The following RYR3 variants were observed in gnomAD, a reference collection of about 807,000 sequenced individuals.
RYR3 encodes brain ryanodine receptor-calcium release channel.
Under a neutral mutation model 584.3 loss-of-function variants are expected in RYR3, and 207 were observed. The ratio of observed to expected loss-of-function variants is 0.35; its 90% CI spans 0.32 to 0.40. The LOEUF is 0.40. RYR3 is among the 10% of genes least tolerant of loss of function. The pLI is 1.00. For missense variants in RYR3, 5,616 were observed against 6,089.2 expected (o/e 0.92, Z 2.59); for synonymous variants, 2,416 against 2,248.5 (o/e 1.07, Z -2.11).
Position 33,838,886 on chromosome 15 carries a change from C to A in RYR3, c.12906C>A (p.Asp4302Glu), listed in dbSNP as rs866590814. The part of the protein sequence containing the change: ...LKHGPEVGLG[D>E]LSEIIGKDEP... ...ATGGGCCTGAAGTGGGTTTGGGTGA[C>A]CTCTCAGAAATTATTGGCAAGGATG... Residue 4302 changes from aspartate to glutamate, a missense_variant, in exon 89 of 104, where the codon GAC becomes GAA. Around this residue, in one of 9 missense-constraint regions of RYR3, gnomAD observed 918 missense variants for 887.4 expected, o/e 1.03. Transcript: ENST00000634891. The A allele has an allele frequency of 6.2e-7, 1 of 1,613,944 alleles. No individual in the cohort carries two copies. The highest frequency in any genetic ancestry group is 1.1e-5 in the South Asian group (1 of 91,072).
At chr15:33,358,989 G>A (rs1319161784) in intron 1 of RYR3, among the ~76,000 whole-genome samples, 1 of 152,174 alleles carries the variant, frequency 6.6e-6, no homozygotes, top group Non-Finnish European at 1.5e-5. Flanking sequence ...GGTGCTTAGA[G>A]CATTCTAAAT....
At chr15:33,854,336 A>G in intron 96 of RYR3, 53 bp from the exon 97 acceptor site, 2 of 1,449,078 alleles carry the variant, frequency 1.4e-6, no homozygotes, top group Middle Eastern at 1.7e-4. Context: ...CTTATTGAGC[A>G]CTTAACTACC....
At chr15:33,642,366 A>C (rs566001817) in intron 27 of RYR3, among the ~76,000 whole-genome samples, 1 of 152,312 alleles carries the variant, frequency 6.6e-6, no homozygotes, top group East Asian at 1.9e-4. Flanking sequence ...CATGATCTTC[A>C]TGTTCATGGC....
chr15:33,722,599 A>T (rs892468962), intron 43 of RYR3, 116 bp from the exon 44 acceptor site: 1 of 1,040,310 alleles, frequency 9.6e-7, no homozygotes, highest in Admixed American at 2.2e-5. Context: ...GGCCTAAACC[A>T]AAAACAGAGT....
chr15:33,802,097 G>A (rs1300122537), intron 69 of RYR3, 136 bp downstream of exon 69: 2 of 774,400 alleles, frequency 2.6e-6, no homozygotes, highest in Non-Finnish European at 2.4e-6. Context: ...CTCTGCTGCT[G>A]TTTCTTTGAG....
chr15:33,728,817 G>C (rs2152818248), intron 46 of RYR3, 40 bp from the exon 47 acceptor site: 3 of 1,578,104 alleles, frequency 1.9e-6, no homozygotes, highest in Non-Finnish European at 2.6e-6. Flanking sequence ...AGACTTTGGA[G>C]ACAGGAAAAG....
intron 51 of RYR3, among the ~76,000 whole-genome samples, chr15:33,740,875 G>T (rs573626787): frequency 3.3e-5 from 5 of 152,334 alleles, no homozygotes; most frequent in African/African-American, 1.2e-4. Context: ...ACATTCCGTT[G>T]GAAAGAGCTT....
At chr15:33,647,370 TGTGGGATTCTCAATACAGCTGA>T in intron 29 of RYR3, 32 bp from the exon 30 acceptor site, 1 of 1,448,164 alleles carries the variant, frequency 6.9e-7, no homozygotes, top group Admixed American at 1.7e-5. Flanking sequence ...CTGTCGGAAC[TGTGGGATTCTCAATACAGCTGA>T]ATAACTAAAA....
chr15:33,496,619 G>C (rs988260833), intron 2 of RYR3, among the ~76,000 whole-genome samples: 1 of 152,132 alleles, frequency 6.6e-6, no homozygotes, highest in African/African-American at 2.4e-5. Context: ...ATTTTAAACA[G>C]AAGGGAAGAA....
chr15:33,838,778 C>T lies in RYR3; in HGVS notation c.12798C>T (p.His4266=), dbSNP rs755199227. 3.7e-6 allele frequency: 6 copies of T among 1,613,898 alleles called. No individual in the cohort carries two copies. In the East Asian group the frequency reaches 6.7e-5, roughly 18 times the overall value. The change falls in exon 89 of 104, where the codon CAC becomes CAT. Residue 4266 remains histidine, a synonymous_variant. Coordinates refer to ENST00000634891, the MANE Select transcript of RYR3 (RefSeq NM_001036.6). The part of the protein sequence containing the change: ...MEPGITTELV[H]FIKGEKGDTD... Reference sequence around the variant, plus strand: ...CAGGTATCACCACTGAACTAGTACACTTCATAAAGGGGGAGAAGGGAGATA... The same window carrying T: ...CAGGTATCACCACTGAACTAGTACATTTCATAAAGGGGGAGAAGGGAGATA...
Position 33,649,075 on chromosome 15 carries a change from T to A in RYR3, c.3982T>A (p.Cys1328Ser), listed in dbSNP as rs1662739822. 1 of 1,612,846 alleles carries A rather than the reference T, an allele frequency of 6.2e-7. No individual in the cohort carries two copies. The highest frequency in any genetic ancestry group is 8.5e-7 in the Non-Finnish European group (1 of 1,179,668). The change falls in exon 31 of 104, where the codon TGC becomes AGC. Residue 1328 changes from cysteine to serine, a missense_variant. Cys to Ser is a moderately radical substitution (Grantham distance 112). Transcript: ENST00000634891. ...QEILSHTTTQ[C>S]YYAIRIFAGQ... ...CCCCTCTGCGGTCTCTCCACAGCAG[T>A]GCTACTACGCCATCCGCATCTTTGC...
chr15:33,548,973 CA>C (rs1338003168), intron 9 of RYR3, among the ~76,000 whole-genome samples: 2 of 152,240 alleles, frequency 1.3e-5, no homozygotes, highest in African/African-American at 4.8e-5. Flanking sequence ...CTCTCTCACG[CA>C]GGGTATATGC....
intron 53 of RYR3, 79 bp from the exon 54 acceptor site, chr15:33,748,035 G>A (rs2070917011): frequency 3.6e-6 from 5 of 1,374,268 alleles, no homozygotes. Flanking sequence ...ACAGTGGGAT[G>A]CACCTTCCAT....
At chr15:33,510,560 C>A (rs2052889594) in intron 3 of RYR3, among the ~76,000 whole-genome samples, 1 of 151,918 alleles carries the variant, frequency 6.6e-6, no homozygotes, top group Admixed American at 6.6e-5. Flanking sequence ...GGACAGCAAC[C>A]CTAAAGCACT....
At chr15:33,703,622 C>T (rs1049721419) in intron 42 of RYR3, among the ~76,000 whole-genome samples, 6 of 150,532 alleles carry the variant, frequency 4.0e-5, no homozygotes, top group Admixed American at 6.6e-5. Context: ...CAGAAACATT[C>T]TGGGATATTG....
At chr15:33,479,474 C>CTGAGATTTTG (rs2049756425) in intron 2 of RYR3, among the ~76,000 whole-genome samples, 1 of 146,398 alleles carries the variant, frequency 6.8e-6, no homozygotes, top group Non-Finnish European at 1.5e-5. Context: ...GGCATATAAG[C>CTGAGATTTTG]TGAGATTTTG....
At position 33,826,231 on chromosome 15, in the gene RYR3, C is replaced by T. The variant is rs530770441; in HGVS notation, c.11147-21C>T. ...TACAGTTTTCTTACTTTCTATTCTT[C>T]TGTTTTTCTCTCATTACCAGTCATT... On this transcript the variant is annotated intron_variant, in intron 82 of 103. Transcript: ENST00000634891. The T allele has an allele frequency of 3.5e-5, 56 of 1,612,796 alleles. 2 individuals carry two copies. The South Asian group carries it at 5.7e-4, about 16-fold the overall frequency.
At chr15:33,861,369 G>T (rs150100221) in intron 102 of RYR3, among the ~76,000 whole-genome samples, 191 bp downstream of exon 102, 1 of 152,014 alleles carries the variant, frequency 6.6e-6, no homozygotes, top group Non-Finnish European at 1.5e-5. Flanking sequence ...GACAATTCCC[G>T]CTCCTAGCAA....
chr15:33,651,209 T>C (rs1403673910), intron 31 of RYR3, among the ~76,000 whole-genome samples: 1 of 152,202 alleles, frequency 6.6e-6, no homozygotes, highest in Non-Finnish European at 1.5e-5. Context: ...ACAAAATCCG[T>C]TTACAGATGC....
Sources: gnomAD v4.1 joint callset for allele counts (sites outside exome capture counted in the v4.1 genomes callset) on GRCh38, gnomAD v4.1.1 for gene constraint, gnomAD v4.1.1 regional missense constraint, MANE v1.5 for transcripts, NCBI Gene and HGNC (gene_info 2026-07-23, HGNC 2026-07-21) for gene names.